Variants in SDC3 observed in about 807,000 individuals in gnomAD.
SDC3 encodes the protein syndecan-3.
SDC3 carries 13 observed loss-of-function variants against 24.4 expected under a neutral mutation model. The observed-to-expected ratio is 0.53, with a 90% confidence interval of 0.35 to 0.85. SDC3 has a LOEUF of 0.85. Among genes scored for constraint, SDC3 ranks in the 40% least tolerant of loss-of-function variants. The probability of loss-of-function intolerance (pLI) is 0.01; values close to 1 mark genes in which losing one functional copy is unlikely to be tolerated. For missense variants in SDC3, 571 were observed against 584.5 expected, an observed-to-expected ratio of 0.98 and a Z score of 0.24; for synonymous variants, 295 against 260.9, an observed-to-expected ratio of 1.13 and a Z score of -1.26.
chr1:30,874,513 C>T lies in SDC3; in HGVS notation c.946G>A (p.Asp316Asn), dbSNP rs1639598760. The change falls in exon 4 of 5, where the codon GAC (aspartate) becomes AAC (asparagine). Residue 316 changes from aspartate (D) to asparagine (N), a missense_variant. By Grantham distance (23) the Asp-to-Asn change is conservative (BLOSUM62 1). Around this residue, in one of 2 missense-constraint regions of SDC3, gnomAD observed 497 missense variants for 471.6 expected, o/e 1.05. Coordinates refer to ENST00000339394, the MANE Select transcript of SDC3 (RefSeq NM_014654.4). ...GTCTCTTCTTCTGGCAGCTCGAAGTCTCCACTGGGCCCCCCACTCACCGGA... is the reference window on the plus strand; with the variant it reads ...GTCTCTTCTTCTGGCAGCTCGAAGTTTCCACTGGGCCCCCCACTCACCGGA... ...EVPVSGGPSGDFELPEEETTQ... is the reference protein window; with the variant it reads ...EVPVSGGPSGNFELPEEETTQ... The T allele has an allele frequency of 6.2e-7, 1 of 1,614,062 alleles. No homozygotes were observed. Among genetic ancestry groups the T allele is most frequent in the Admixed American group, 1.7e-5 (1 of 60,006 alleles).
chr1:30,874,665 G>A, intron 3 of SDC3, 77 bp from the exon 4 acceptor site: 1 of 1,403,680 alleles, frequency 7.1e-7, no homozygotes. Flanking sequence ...ACTGCCCTGG[G>A]GGGCTAACAC....
At chr1:30,901,090 C>G (rs1638406604) in intron 1 of SDC3, among the ~76,000 whole-genome samples, 1 of 152,206 alleles carries the variant, frequency 6.6e-6, no homozygotes, top group African/African-American at 2.4e-5. Context: ...GCTCCACCAG[C>G]TCCTGGCTGT....
intron 1 of SDC3, among the ~76,000 whole-genome samples, chr1:30,893,303 G>GCCCCCCCCCCC (rs59392837): frequency 3.7e-4 from 5 of 13,520 alleles, no homozygotes; most frequent in South Asian, 6.5e-3. Flanking sequence ...CCCACCAGGA[G>GCCCCCCCCCCC]CCCCCCCCCC....
chr1:30,881,052 C>T (rs1376694168), intron 1 of SDC3, among the ~76,000 whole-genome samples: 1 of 150,984 alleles, frequency 6.6e-6, no homozygotes, highest in Admixed American at 6.6e-5. Context: ...CACACACACA[C>T]ACGACAGCCC....
At chr1:30,886,378 C>A (rs906902233) in intron 1 of SDC3, among the ~76,000 whole-genome samples, 1 of 152,040 alleles carries the variant, frequency 6.6e-6, no homozygotes, top group Admixed American at 6.6e-5. Flanking sequence ...CACATACGCA[C>A]GCCAACCACC....
intron 1 of SDC3, among the ~76,000 whole-genome samples, chr1:30,890,953 T>C (rs932473598): frequency 6.6e-6 from 1 of 152,166 alleles, no homozygotes; most frequent in Non-Finnish European, 1.5e-5. Context: ...CAAAGGCCAC[T>C]TTGTCAGGTG....
At chr1:30,892,152 C>A (rs1299455365) in intron 1 of SDC3, among the ~76,000 whole-genome samples, 1 of 152,204 alleles carries the variant, frequency 6.6e-6, no homozygotes, top group East Asian at 1.9e-4. Context: ...CCTGCCAGGG[C>A]TCAAGGACCC....
rs766053258 is a variant in SDC3, at chr1:30,878,758, G to A, written c.139-18C>T. On this transcript the variant is annotated intron_variant, in intron 1 of 4. Coordinates refer to ENST00000339394, the MANE Select transcript of SDC3 (RefSeq NM_014654.4). ...CGCTGGGCCTAGGGAAGGTAGAGGT[G>A]GACACAGGGCTCGGCACCCGAGACT... is the stretch of plus-strand genomic sequence containing the variant. 1.9e-6 allele frequency: 3 copies of A among 1,609,118 alleles called. No individual in the cohort carries two copies. The highest frequency in any genetic ancestry group is 2.6e-6 in the Non-Finnish European group (3 of 1,175,398).
intron 1 of SDC3, among the ~76,000 whole-genome samples, chr1:30,899,869 C>T (rs2124341456): frequency 6.6e-6 from 1 of 152,298 alleles, no homozygotes. Flanking sequence ...ACTGACAGCC[C>T]CCTTGCACAG....
intron 3 of SDC3, among the ~76,000 whole-genome samples, chr1:30,875,417 G>T (rs752140027): frequency 2.6e-4 from 40 of 152,166 alleles, no homozygotes; most frequent in Non-Finnish European, 5.6e-4. Context: ...ACACCAGGCT[G>T]CCCCAGCTGC....
At chr1:30,894,455 G>A (rs1557523244) in intron 1 of SDC3, among the ~76,000 whole-genome samples, 1 of 72,118 alleles carries the variant, frequency 1.4e-5, no homozygotes, top group East Asian at 6.6e-4. Flanking sequence ...ATGAGTGTGG[G>A]GGGGTGGATG....
chr1:30,904,437 T>C (rs2124346001), intron 1 of SDC3, among the ~76,000 whole-genome samples: 1 of 152,110 alleles, frequency 6.6e-6, no homozygotes, highest in Admixed American at 6.5e-5. Flanking sequence ...TATGCCCGCT[T>C]GTATGAGGTG....
intron 1 of SDC3, among the ~76,000 whole-genome samples, chr1:30,900,723 T>A (rs1638399281): frequency 6.6e-6 from 1 of 152,104 alleles, no homozygotes; most frequent in Non-Finnish European, 1.5e-5. Flanking sequence ...GAATTGGCAA[T>A]CAGTTTGCTG....
At chr1:30,877,478 C>A in intron 2 of SDC3, 1 of 560,504 alleles carries the variant, frequency 1.8e-6, no homozygotes, top group Non-Finnish European at 3.2e-6. Flanking sequence ...GCAACTGAGG[C>A]GCTACTGGCT....
chr1:30,888,780 C>A (rs967999801), intron 1 of SDC3, among the ~76,000 whole-genome samples: 1 of 152,212 alleles, frequency 6.6e-6, no homozygotes, highest in African/African-American at 2.4e-5. Flanking sequence ...TGCTCCTCTT[C>A]TAGGGACAGA....
At chr1:30,904,407 C>T (rs749097262) in intron 1 of SDC3, among the ~76,000 whole-genome samples, 2 of 152,106 alleles carry the variant, frequency 1.3e-5, no homozygotes, top group Non-Finnish European at 2.9e-5. Flanking sequence ...CTCCTGCTGC[C>T]CCGGACCCCC....
intron 1 of SDC3, 82 bp downstream of exon 1, chr1:30,908,367 G>A: frequency 1.2e-6 from 1 of 817,112 alleles, no homozygotes; most frequent in Non-Finnish European, 1.5e-6. Flanking sequence ...TCCCGGAGGG[G>A]GGGTCGCGGG....
intron 1 of SDC3, among the ~76,000 whole-genome samples, chr1:30,896,186 G>C (rs1002419655): frequency 1.3e-5 from 2 of 152,178 alleles, no homozygotes; most frequent in East Asian, 1.9e-4. Context: ...GATTGAGGAC[G>C]TGTGAAAGCA....
At chr1:30,902,497 G>A (rs1030657242) in intron 1 of SDC3, among the ~76,000 whole-genome samples, 9 of 152,202 alleles carry the variant, frequency 5.9e-5, no homozygotes, top group African/African-American at 1.7e-4. Flanking sequence ...GAGCCAGCCC[G>A]ATGTTCCCAG....
Sources: allele counts gnomAD v4.1 joint callset (sites outside exome capture counted in the v4.1 genomes callset), GRCh38; gene constraint gnomAD v4.1.1; regional missense constraint gnomAD v4.1.1; transcripts MANE v1.5; gene names NCBI Gene and HGNC (gene_info 2026-07-23, HGNC 2026-07-21).